NRG1: variants seen among roughly 807,000 people sequenced by gnomAD.
The protein encoded by NRG1 is neuregulin 1.
In NRG1, 18 loss-of-function variants were observed where a neutral mutation model predicts 63.8. The observed-to-expected ratio is 0.28, with a 90% CI of 0.19 to 0.42. The LOEUF is 0.42. Ranked by LOEUF, NRG1 falls within the 10% of genes least tolerant of loss-of-function variation. The pLI, the probability that NRG1 is intolerant of heterozygous loss-of-function variation, is 1.00. For synonymous variants in NRG1, 302 were observed against 301.3 expected (o/e 1.00, Z -0.02); for missense variants, 762 against 814.7 (o/e 0.94, Z 0.79).
chr8:31,851,207 T>C (rs916314458), intron 1 of NRG1, among the ~76,000 whole-genome samples: 1 of 152,232 alleles, frequency 6.6e-6, no homozygotes, highest in Non-Finnish European at 1.5e-5. Context: ...ATATTGCTAA[T>C]TAAAAAATGA....
chr8:32,344,366 C>A (rs866274642), intron 1 of NRG1, among the ~76,000 whole-genome samples: 1 of 53,360 alleles, frequency 1.9e-5, no homozygotes, highest in Non-Finnish European at 3.9e-5. Flanking sequence ...TTCTTTCTTT[C>A]TTTCTTTCTT....
intron 1 of NRG1, among the ~76,000 whole-genome samples, chr8:32,052,329 C>A (rs1822122164): frequency 7.0e-6 from 1 of 143,278 alleles, no homozygotes; most frequent in Admixed American, 7.2e-5. Flanking sequence ...AGGCTGGAGT[C>A]CAGTGGTGTG....
intron 1 of NRG1, among the ~76,000 whole-genome samples, chr8:32,564,910 A>G (rs1322697221): frequency 2.0e-5 from 3 of 148,950 alleles, no homozygotes; most frequent in Non-Finnish European, 3.0e-5. Context: ...CCCCACTACC[A>G]AAAAAAAAAG....
At chr8:32,012,503 G>C (rs1397196450) in intron 1 of NRG1, among the ~76,000 whole-genome samples, 2 of 152,052 alleles carry the variant, frequency 1.3e-5, no homozygotes, top group Admixed American at 1.3e-4. Context: ...AAGAATGGCA[G>C]CTTCTTAAGA....
At chr8:32,666,867 T>A (rs1473902472) in intron 5 of NRG1, among the ~76,000 whole-genome samples, 1 of 152,240 alleles carries the variant, frequency 6.6e-6, no homozygotes, top group Non-Finnish European at 1.5e-5. Flanking sequence ...TCATGCGTTA[T>A]TTGTCTCATG....
intron 1 of NRG1, among the ~76,000 whole-genome samples, chr8:32,130,633 A>G (rs151081790): frequency 3.7e-4 from 56 of 152,042 alleles, no homozygotes; most frequent in African/African-American, 1.3e-3. Context: ...ACTGCGAGCT[A>G]ACTGTGCTGA....
chr8:32,114,559 G>A (rs1832455788), intron 1 of NRG1, among the ~76,000 whole-genome samples: 1 of 152,124 alleles, frequency 6.6e-6, no homozygotes, highest in Admixed American at 6.5e-5. Context: ...AGCTGTAATG[G>A]GTGCTAGTAG....
intron 1 of NRG1, among the ~76,000 whole-genome samples, chr8:31,854,919 G>A (rs1050476217): frequency 3.9e-5 from 6 of 152,172 alleles, no homozygotes; most frequent in Non-Finnish European, 8.8e-5. Context: ...TAGCTGAGCG[G>A]TTTTGAGTGA....
chr8:32,400,959 C>A (rs1232171950), intron 1 of NRG1, among the ~76,000 whole-genome samples: 1 of 152,118 alleles, frequency 6.6e-6, no homozygotes, highest in Non-Finnish European at 1.5e-5. Context: ...TACTATGCAG[C>A]CATAAAAATG....
chr8:31,962,376 T>C (rs1210169209), intron 1 of NRG1, among the ~76,000 whole-genome samples: 2 of 152,150 alleles, frequency 1.3e-5, no homozygotes, highest in African/African-American at 4.8e-5. Context: ...TTTATTAAAC[T>C]TCTATTTAAT....
chr8:32,369,782 A>G (rs2129482624), intron 1 of NRG1, among the ~76,000 whole-genome samples: 1 of 152,330 alleles, frequency 6.6e-6, no homozygotes, highest in Middle Eastern at 3.4e-3. Context: ...GAAATTTCGG[A>G]TTTCTACACA....
chr8:32,067,992 C>A (rs1825147911), intron 1 of NRG1, among the ~76,000 whole-genome samples: 1 of 152,164 alleles, frequency 6.6e-6, no homozygotes, highest in South Asian at 2.1e-4. Context: ...CAGAACCTAA[C>A]CTTCAAGATG....
At chr8:32,078,016 A>G (rs1025536909) in intron 1 of NRG1, among the ~76,000 whole-genome samples, 5 of 152,234 alleles carry the variant, frequency 3.3e-5, no homozygotes, top group Admixed American at 6.5e-5. Flanking sequence ...GCCATATAGT[A>G]AAATATTTGG....
At chr8:32,477,541 G>A (rs369478991) in intron 1 of NRG1, among the ~76,000 whole-genome samples, 1 of 152,314 alleles carries the variant, frequency 6.6e-6, no homozygotes, top group African/African-American at 2.4e-5. Flanking sequence ...GAGACATTGG[G>A]ATATGGCCCC....
intron 1 of NRG1, among the ~76,000 whole-genome samples, chr8:32,302,154 G>A (rs140187135): frequency 3.3e-4 from 50 of 152,208 alleles, no homozygotes; most frequent in African/African-American, 1.0e-3. Flanking sequence ...TTCCAGTTTC[G>A]TCATGTTATG....
At chr8:32,129,805 A>G (rs1169793124) in intron 1 of NRG1, among the ~76,000 whole-genome samples, 1 of 152,008 alleles carries the variant, frequency 6.6e-6, no homozygotes, top group Non-Finnish European at 1.5e-5. Context: ...GTATATATAC[A>G]TATGTACACA....
At chr8:31,768,502 C>G (rs2131556571) in intron 1 of NRG1, among the ~76,000 whole-genome samples, 1 of 152,226 alleles carries the variant, frequency 6.6e-6, no homozygotes, top group Middle Eastern at 3.4e-3. Flanking sequence ...GAATGTTAGC[C>G]CACTGAAGTT....
rs1326811688 is a variant in NRG1 at position 32,088,828 on chromosome 8, C to T, written c.37+449397C>T. Among the ~76,000 whole-genome samples the T allele has an allele frequency of 2.6e-5, 4 of 151,868 alleles. 1 individual carries two copies. The highest frequency in any genetic ancestry group is 4.1e-4 in the South Asian group (2 of 4,824). On this transcript the variant is annotated intron_variant, in intron 1 of 10. Transcript: ENST00000519301. The stretch of plus-strand genomic sequence containing the variant: ...CCACTGCGCCTGGCCCAGGTCATCA[C>T]GTTTAGCCTCTCAGTCCTCTATGTT...
chr8:32,525,598 T>G (rs1009720417), intron 1 of NRG1, among the ~76,000 whole-genome samples: 8 of 152,154 alleles, frequency 5.3e-5, no homozygotes, highest in Non-Finnish European at 1.2e-4. Context: ...ATTTCTGCTT[T>G]AATCTCTTCA....
Sources: allele counts gnomAD v4.1 joint callset (sites outside exome capture counted in the v4.1 genomes callset), GRCh38; gene constraint gnomAD v4.1.1; transcripts MANE v1.5; gene names NCBI Gene and HGNC (gene_info 2026-07-23, HGNC 2026-07-21).